XKR6: variants seen among roughly 807,000 people sequenced by gnomAD.
XKR6 encodes the protein XK-related protein 6.
Under a neutral mutation model 56.7 loss-of-function variants are expected in XKR6, and 22 were observed. That is an observed-to-expected ratio of 0.39 (90% CI 0.28 to 0.55). The LOEUF is 0.55. Ranked by LOEUF, XKR6 falls within the 20% of genes least tolerant of loss-of-function variation. XKR6 has a pLI of 0.66. For synonymous variants in XKR6, 524 were observed against 387.8 expected (o/e 1.35, Z -4.13); for missense variants, 852 against 889.0 (o/e 0.96, Z 0.53).
At chr8:10,975,700 G>T (rs924583240) in intron 1 of XKR6, among the ~76,000 whole-genome samples, 7 of 152,202 alleles carry the variant, frequency 4.6e-5, no homozygotes, top group Non-Finnish European at 1.0e-4. Context: ...CACTGGCAGG[G>T]GGCTGGGAGG....
intron 1 of XKR6, among the ~76,000 whole-genome samples, chr8:11,031,015 C>T (rs1798981230): frequency 6.6e-6 from 1 of 152,172 alleles, no homozygotes; most frequent in Non-Finnish European, 1.5e-5. Flanking sequence ...AGAGTGCACA[C>T]CTACTGGCTC....
intron 2 of XKR6, among the ~76,000 whole-genome samples, chr8:10,915,515 T>C (rs34015737): frequency 0.13 from 19,123 of 152,200 alleles, 1,457 homozygotes; most frequent in South Asian, 0.17. Flanking sequence ...TTCTTTTTTT[T>C]TTTCTGCTGC....
intron 1 of XKR6, among the ~76,000 whole-genome samples, chr8:11,017,557 G>A (rs1235847860): frequency 6.6e-6 from 1 of 152,268 alleles, no homozygotes; most frequent in Non-Finnish European, 1.5e-5. Flanking sequence ...GCAGCTGCCT[G>A]TGGCTGGGTT....
At chr8:11,023,903 G>A (rs944494008) in intron 1 of XKR6, among the ~76,000 whole-genome samples, 1 of 152,216 alleles carries the variant, frequency 6.6e-6, no homozygotes, top group Non-Finnish European at 1.5e-5. Flanking sequence ...ACTCCGGAAT[G>A]AGGAACATTT....
intron 1 of XKR6, among the ~76,000 whole-genome samples, chr8:11,116,600 ACCACAGGTGAT>A (rs1284009820): frequency 1.3e-5 from 2 of 152,102 alleles, no homozygotes; most frequent in Non-Finnish European, 2.9e-5. Context: ...CGCACTCCTG[ACCACAGGTGAT>A]CCACCTGTCT....
chr8:10,958,938 G>C (rs1801976149), intron 1 of XKR6, among the ~76,000 whole-genome samples: 1 of 152,216 alleles, frequency 6.6e-6, no homozygotes, highest in South Asian at 2.1e-4. Context: ...CTCACCTTTT[G>C]TGCAAAAGCT....
chr8:11,162,406 A>G (rs1227443474), intron 1 of XKR6, among the ~76,000 whole-genome samples: 2 of 152,216 alleles, frequency 1.3e-5, no homozygotes, highest in Admixed American at 6.5e-5. Flanking sequence ...CAGATTCACC[A>G]AGGTCACAAC....
chr8:10,901,203 A>C (rs1800027879), intron 2 of XKR6, among the ~76,000 whole-genome samples: 1 of 151,838 alleles, frequency 6.6e-6, no homozygotes, highest in Non-Finnish European at 1.5e-5. Flanking sequence ...CTACAGGTGC[A>C]CACCACCATG....
At chr8:11,086,616 G>A (rs1280378248) in intron 1 of XKR6, among the ~76,000 whole-genome samples, 1 of 152,186 alleles carries the variant, frequency 6.6e-6, no homozygotes, top group Non-Finnish European at 1.5e-5. Flanking sequence ...AAGTCAAGTT[G>A]CACACACTAG....
rs1356541161 is a variant in XKR6, at chr8:11,121,377, G to A, written c.764+79199C>T. 2.6e-5 allele frequency among the ~76,000 whole-genome samples: 4 copies of A among 152,220 alleles called. No individual in the cohort carries two copies. In the East Asian group the frequency reaches 7.7e-4, roughly 29 times the overall value. ...ACAACCCCATCAAAAAGTGAGCGAA[G>A]GATATGAACAGACACTTCTCAAAAG... On this transcript the variant is annotated intron_variant, in intron 1 of 2. Transcript: ENST00000416569.
At chr8:11,044,759 C>T (rs1373619806) in intron 1 of XKR6, among the ~76,000 whole-genome samples, 2 of 151,824 alleles carry the variant, frequency 1.3e-5, no homozygotes, top group Non-Finnish European at 2.9e-5. Context: ...GCTGGGACTA[C>T]AGGCGAATGC....
At chr8:11,095,185 A>C (rs777214660) in intron 1 of XKR6, among the ~76,000 whole-genome samples, 22 of 152,248 alleles carry the variant, frequency 1.4e-4, no homozygotes, top group Admixed American at 5.9e-4. Context: ...GTTTGTGCAA[A>C]TACGTAAGTG....
At chr8:10,899,276 G>A (rs1050542691) in intron 2 of XKR6, among the ~76,000 whole-genome samples, 1 of 152,240 alleles carries the variant, frequency 6.6e-6, no homozygotes, top group African/African-American at 2.4e-5. Context: ...ACAGATGTGC[G>A]GCTGGCATTG....
chr8:10,975,159 C>T (rs1202593849), intron 1 of XKR6, among the ~76,000 whole-genome samples: 6 of 152,162 alleles, frequency 3.9e-5, no homozygotes, highest in Non-Finnish European at 8.8e-5. Flanking sequence ...AAAGCTCTGG[C>T]AGTTGTGCTG....
intron 1 of XKR6, among the ~76,000 whole-genome samples, chr8:11,057,673 G>T (rs563851834): frequency 6.6e-6 from 1 of 152,340 alleles, no homozygotes; most frequent in Non-Finnish European, 1.5e-5. Flanking sequence ...ATTGGCGACT[G>T]TGTCCAAGCT....
chr8:10,971,394 C>T (rs1802405983), intron 1 of XKR6, among the ~76,000 whole-genome samples: 1 of 151,886 alleles, frequency 6.6e-6, no homozygotes, highest in South Asian at 2.1e-4. Flanking sequence ...GCACTCCAGC[C>T]TGGGTGACAG....
intron 1 of XKR6, among the ~76,000 whole-genome samples, chr8:11,157,973 A>G (rs1801605443): frequency 6.6e-6 from 1 of 152,224 alleles, no homozygotes; most frequent in Admixed American, 6.5e-5. Flanking sequence ...AACCAAAGCA[A>G]AAATCTGTTG....
At chr8:11,024,637 G>T (rs184398660) in intron 1 of XKR6, among the ~76,000 whole-genome samples, 2 of 152,288 alleles carry the variant, frequency 1.3e-5, no homozygotes, top group African/African-American at 4.8e-5. Flanking sequence ...CCATGAGGCC[G>T]AATCACCCTG....
intron 1 of XKR6, among the ~76,000 whole-genome samples, chr8:11,132,767 G>GCACACACACGCA (rs1800171921): frequency 1.4e-5 from 2 of 138,192 alleles, no homozygotes; most frequent in Non-Finnish European, 3.1e-5. Context: ...ACACACGCAC[G>GCACACACACGCA]CACACACACA....
Sources: gnomAD v4.1 joint callset for allele counts (sites outside exome capture counted in the v4.1 genomes callset) on GRCh38, gnomAD v4.1.1 for gene constraint, MANE v1.5 for transcripts, NCBI Gene and HGNC (gene_info 2026-07-23, HGNC 2026-07-21) for gene names.